Variants in FBXL2 observed in about 807,000 individuals in gnomAD.
FBXL2 encodes F-box and leucine rich repeat protein 2.
In FBXL2, 38 loss-of-function variants were observed where a neutral mutation model predicts 69.2. The observed-to-expected ratio is 0.55, with a 90% CI of 0.42 to 0.72. The LOEUF is 0.72. FBXL2 is among the 30% of genes least tolerant of loss of function. FBXL2 has a pLI of 0.00. For missense variants in FBXL2, 354 were observed against 520.3 expected (o/e 0.68, Z 3.11); for synonymous variants, 192 against 201.3 (o/e 0.95, Z 0.39).
chr3:33,356,796 G>A (rs2041235501), intron 2 of FBXL2, among the ~76,000 whole-genome samples: 1 of 152,180 alleles, frequency 6.6e-6, no homozygotes, highest in African/African-American at 2.4e-5. Flanking sequence ...AGAGTATCAA[G>A]CATATGGTAT....
chr3:33,346,915 C>T (rs2040484425), intron 2 of FBXL2, among the ~76,000 whole-genome samples: 1 of 152,212 alleles, frequency 6.6e-6, no homozygotes, highest in South Asian at 2.1e-4. Flanking sequence ...GTATAATAAT[C>T]ATATCAGGGT....
downstream of FBXL2, chr3:33,390,696 G>C (rs2043727899): frequency 1.2e-5 from 4 of 324,744 alleles, no homozygotes; most frequent in Non-Finnish European, 2.3e-5. Context: ...GCTAGAAGGA[G>C]AACAGGTGAA....
intron 2 of FBXL2, among the ~76,000 whole-genome samples, chr3:33,331,953 CAAAG>C (rs1328155154): frequency 1.3e-5 from 2 of 151,808 alleles, no homozygotes. Context: ...AAATTATAGA[CAAAG>C]AATAGAGAGA....
At chr3:33,341,440 A>T (rs1325246349) in intron 2 of FBXL2, among the ~76,000 whole-genome samples, 2 of 152,142 alleles carry the variant, frequency 1.3e-5, no homozygotes, top group African/African-American at 4.8e-5. Context: ...AGAGATGATA[A>T]ATTGAATAAT....
In FBXL2 at chr3:33,281,194, C is replaced by G. The variant is rs140615998; in HGVS notation, c.3+3679C>G. On this transcript the variant is annotated intron_variant, in intron 1 of 14. Coordinates refer to ENST00000484457, the MANE Select transcript of FBXL2 (RefSeq NM_012157.5). ...TATCTCCTAAGGCTATCCCTCCGCC[C>G]TCCCCCTACCCCTCAACAGGCCCCA... 2.2e-3 allele frequency among the ~76,000 whole-genome samples: 334 copies of G among 152,218 alleles called. 4 individuals carry two copies. In the East Asian group the frequency reaches 0.026, roughly 12 times the overall value.
At chr3:33,297,144 C>T (rs2035822011) in intron 1 of FBXL2, among the ~76,000 whole-genome samples, 1 of 151,976 alleles carries the variant, frequency 6.6e-6, no homozygotes, top group African/African-American at 2.4e-5. Context: ...GTATTTTGTT[C>T]ATTTTGATGC....
chr3:33,412,810 T>C, the FBXL2 span: 1 of 1,613,682 alleles, frequency 6.2e-7, no homozygotes, highest in Non-Finnish European at 8.5e-7. Flanking sequence ...TGTCATGGAA[T>C]ACAACCCTTA....
chr3:33,393,336 A>G, intron 12 of FBXL2: 1 of 1,608,034 alleles, frequency 6.2e-7, no homozygotes, highest in Non-Finnish European at 8.5e-7. Context: ...GAATGTGAAT[A>G]CCGGTGGGAC....
intron 4 of FBXL2, 33 bp downstream of exon 4, chr3:33,359,390 T>C (rs936464275): frequency 1.3e-6 from 2 of 1,512,004 alleles, no homozygotes; most frequent in African/African-American, 2.7e-5. Context: ...AAAAAACTTT[T>C]TAAAAATATG....
At chr3:33,399,522 C>T (rs1301099107) in intron 12 of FBXL2, among the ~76,000 whole-genome samples, 1 of 151,962 alleles carries the variant, frequency 6.6e-6, no homozygotes, top group Non-Finnish European at 1.5e-5. Flanking sequence ...CTTAGGTGGC[C>T]GTTATGCTAG....
chr3:33,278,557 T>C (rs2033598347), intron 1 of FBXL2, among the ~76,000 whole-genome samples: 1 of 152,126 alleles, frequency 6.6e-6, no homozygotes, highest in Non-Finnish European at 1.5e-5. Flanking sequence ...GAGAAAAAAC[T>C]ATCATTAGGA....
At chr3:33,382,067 A>G (rs1420885763) in intron 13 of FBXL2, among the ~76,000 whole-genome samples, 1 of 152,102 alleles carries the variant, frequency 6.6e-6, no homozygotes, top group African/African-American at 2.4e-5. Context: ...CAGTACTGCA[A>G]TGTCTTAGAT....
intron 2 of FBXL2, among the ~76,000 whole-genome samples, chr3:33,313,028 G>T (rs1465470400): frequency 6.6e-6 from 1 of 151,874 alleles, no homozygotes; most frequent in Non-Finnish European, 1.5e-5. Context: ...GCTGAGGCAG[G>T]AGAACTGCTT....
chr3:33,385,927 C>T lies in FBXL2; in HGVS notation c.*319C>T. 3.1e-6 allele frequency: 1 copy of T among 323,310 alleles called. No individual in the cohort carries two copies. The highest frequency in any genetic ancestry group is 5.8e-6 in the Non-Finnish European group (1 of 173,454). 20.0% of individuals were successfully genotyped at this position (323,310 alleles called of 1,614,324 possible). On this transcript the variant is annotated 3_prime_UTR_variant, in exon 15 of 15. Transcript: ENST00000484457. ...ACGAAAGTTCTACCCTTGGCATACTCAGCATTCCTCAAAAAGACCATCAGT... is the reference window on the plus strand; with the variant it reads ...ACGAAAGTTCTACCCTTGGCATACTTAGCATTCCTCAAAAAGACCATCAGT...
chr3:33,310,232 ATC>A (rs2037069981), intron 2 of FBXL2, among the ~76,000 whole-genome samples: 1 of 151,886 alleles, frequency 6.6e-6, no homozygotes, highest in South Asian at 2.1e-4. Flanking sequence ...GCTCACTGCA[ATC>A]TCTGCCTCCT....
In FBXL2 at chr3:33,340,464, A is replaced by G. The variant is rs536654560; in HGVS notation, c.66-18503A>G. Among the ~76,000 whole-genome samples the G allele has an allele frequency of 3.5e-3, 534 of 151,940 alleles. 1 individual carries two copies. Among genetic ancestry groups the G allele is most frequent in the Non-Finnish European group, 5.6e-3 (382 of 67,966 alleles). ...CTGAGGCAGAAAATGTATGAGATGG[A>G]ACTAGAACACCTTATTGTAAAAGAC... On this transcript the variant is annotated intron_variant, in intron 2 of 14. Transcript: ENST00000484457.
At chr3:33,292,956 A>T (rs923174123) in intron 1 of FBXL2, among the ~76,000 whole-genome samples, 4 of 152,238 alleles carry the variant, frequency 2.6e-5, no homozygotes, top group Non-Finnish European at 5.9e-5. Flanking sequence ...TTATAAGCAC[A>T]TATGCACCAA....
intron 2 of FBXL2, among the ~76,000 whole-genome samples, chr3:33,342,389 TAAA>T (rs560863678): frequency 4.0e-3 from 610 of 151,516 alleles, no homozygotes; most frequent in Admixed American, 8.9e-3. Flanking sequence ...TTATGAATGA[TAAA>T]GAAGAAAAAA....
intron 1 of FBXL2, among the ~76,000 whole-genome samples, chr3:33,288,309 T>C (rs1436615903): frequency 6.6e-6 from 1 of 152,254 alleles, no homozygotes; most frequent in Admixed American, 6.5e-5. Flanking sequence ...TGTGTGCTAG[T>C]GACTGTTCTA....
Sources: allele counts gnomAD v4.1 joint callset (sites outside exome capture counted in the v4.1 genomes callset), GRCh38; gene constraint gnomAD v4.1.1; transcripts MANE v1.5; gene names NCBI Gene and HGNC (gene_info 2026-07-23, HGNC 2026-07-21).